GRM1: variants seen among roughly 807,000 people sequenced by gnomAD.
GRM1 encodes metabotropic glutamate receptor 1.
A neutral mutation model predicts 90.9 loss-of-function variants in GRM1; 33 were observed. The ratio of observed to expected loss-of-function variants is 0.36; its 90% CI spans 0.28 to 0.49. The LOEUF (loss-of-function observed/expected upper bound fraction) is 0.49, where lower values mean the gene tolerates loss of function less well. GRM1 is among the 20% of genes least tolerant of loss of function. The pLI is 0.99. For synonymous variants in GRM1, 700 were observed against 613.2 expected (o/e 1.14, Z -2.09); for missense variants, 1,190 against 1,534.3 (o/e 0.78, Z 3.75).
At chr6:146,157,798 G>A (rs540332171) in intron 1 of GRM1, among the ~76,000 whole-genome samples, 92 of 152,210 alleles carry the variant, frequency 6.0e-4, no homozygotes, top group African/African-American at 2.2e-3. Context: ...TAATATAAAT[G>A]CCAGTGAAGA....
intron 2 of GRM1, among the ~76,000 whole-genome samples, chr6:146,204,472 C>A (rs548014965): frequency 6.6e-6 from 1 of 152,092 alleles, no homozygotes; most frequent in South Asian, 2.1e-4. Context: ...TTGCAGGGCA[C>A]GGTCTATTGT....
intron 2 of GRM1, among the ~76,000 whole-genome samples, chr6:146,201,884 C>T (rs1036439605): frequency 6.6e-6 from 1 of 152,214 alleles, no homozygotes; most frequent in Non-Finnish European, 1.5e-5. Context: ...TGTCTGGCTC[C>T]AGAGTCAGTG....
At chr6:146,161,851 A>G (rs1777740451) in intron 2 of GRM1, among the ~76,000 whole-genome samples, 1 of 152,192 alleles carries the variant, frequency 6.6e-6, no homozygotes, top group African/African-American at 2.4e-5. Flanking sequence ...CCCTTCCATG[A>G]CATTCAGATA....
intron 1 of GRM1, among the ~76,000 whole-genome samples, chr6:146,045,347 C>G (rs920445517): frequency 3.9e-5 from 6 of 151,934 alleles, no homozygotes; most frequent in African/African-American, 1.4e-4. Flanking sequence ...CCTTCTCCCG[C>G]TAGAATACTT....
chr6:146,376,267 T>C (rs1562650286), intron 5 of GRM1, among the ~76,000 whole-genome samples: 1 of 152,180 alleles, frequency 6.6e-6, no homozygotes, highest in African/African-American at 2.4e-5. Context: ...TTTATTACTT[T>C]TGATTGGTTC....
chr6:146,333,811 T>G (rs1784668799), intron 3 of GRM1, among the ~76,000 whole-genome samples: 1 of 151,984 alleles, frequency 6.6e-6, no homozygotes, highest in African/African-American at 2.4e-5. Flanking sequence ...TAGAAAGGTT[T>G]ATGAGCTGTC....
chr6:146,070,527 A>G (rs1246054899), intron 1 of GRM1, among the ~76,000 whole-genome samples: 10 of 152,144 alleles, frequency 6.6e-5, no homozygotes, highest in Admixed American at 1.3e-4. Context: ...GGCATCTCCC[A>G]CGTAGTTTTG....
At chr6:146,092,571 A>G (rs1002767725) in intron 1 of GRM1, among the ~76,000 whole-genome samples, 1 of 152,100 alleles carries the variant, frequency 6.6e-6, no homozygotes, top group African/African-American at 2.4e-5. Context: ...TCACATAGGC[A>G]TGGAGTATGG....
At chr6:146,289,287 T>C (rs145062205) in intron 2 of GRM1, among the ~76,000 whole-genome samples, 46 of 152,134 alleles carry the variant, frequency 3.0e-4, no homozygotes, top group Non-Finnish European at 5.6e-4. Flanking sequence ...CTTGGTGCTG[T>C]GTAAACCTAG....
rs567347372 is a variant in GRM1, at chr6:146,123,264, T to C, written c.701-36084T>C. ...TTGTATTTCTAATTGAAGGCTGAGA[T>C]TGGTAAGCAGTGATGGTTAGAGATG... On this transcript the variant is annotated intron_variant, in intron 1 of 7. Coordinates refer to ENST00000282753, the MANE Select transcript of GRM1 (RefSeq NM_001278064.2). 2.0e-5 allele frequency among the ~76,000 whole-genome samples: 3 copies of C among 152,338 alleles called. No homozygotes were observed. The Middle Eastern group carries it at 0.01, about 518-fold the overall frequency.
At chr6:146,197,333 C>T (rs140901184) in intron 2 of GRM1, among the ~76,000 whole-genome samples, 68 of 152,334 alleles carry the variant, frequency 4.5e-4, no homozygotes, top group African/African-American at 1.2e-3. Context: ...GTTTCTTTTA[C>T]TGCATATACT....
At chr6:146,362,507 A>G (rs1478835074) in intron 5 of GRM1, among the ~76,000 whole-genome samples, 2 of 151,828 alleles carry the variant, frequency 1.3e-5, no homozygotes, top group Admixed American at 6.6e-5. Context: ...GTGAAACCCC[A>G]TCTCTACTAA....
At chr6:146,207,812 T>A (rs536428409) in intron 2 of GRM1, among the ~76,000 whole-genome samples, 2 of 152,340 alleles carry the variant, frequency 1.3e-5, no homozygotes, top group South Asian at 2.1e-4. Flanking sequence ...TATTACATTT[T>A]AAGTTGTTGG....
intron 1 of GRM1, among the ~76,000 whole-genome samples, chr6:146,045,749 C>CAAAA (rs58055832): frequency 1.0e-4 from 9 of 87,398 alleles, no homozygotes; most frequent in African/African-American, 1.6e-4. Flanking sequence ...TGGAATACAG[C>CAAAA]AAAAAAAAAA....
chr6:146,131,537 A>G (rs1776397462), intron 1 of GRM1, among the ~76,000 whole-genome samples: 2 of 151,716 alleles, frequency 1.3e-5, no homozygotes, highest in South Asian at 4.1e-4. Flanking sequence ...TGCAGAAAAT[A>G]CACACATACA....
intron 3 of GRM1, among the ~76,000 whole-genome samples, chr6:146,309,335 G>A (rs1783697652): frequency 1.3e-5 from 2 of 151,584 alleles, no homozygotes; most frequent in East Asian, 1.9e-4. Context: ...GGAGGCAGAG[G>A]TTGCAGTGAG....
intron 2 of GRM1, among the ~76,000 whole-genome samples, chr6:146,297,001 G>C (rs1342923773): frequency 6.6e-6 from 1 of 152,150 alleles, no homozygotes; most frequent in Non-Finnish European, 1.5e-5. Flanking sequence ...TTGTTGATAA[G>C]CATTCCCTGA....
At chr6:146,374,484 A>C (rs1776020438) in intron 5 of GRM1, among the ~76,000 whole-genome samples, 1 of 152,166 alleles carries the variant, frequency 6.6e-6, no homozygotes, top group Non-Finnish European at 1.5e-5. Flanking sequence ...TCAGCAGAGA[A>C]GCAAACAGGT....
chr6:146,085,990 G>A (rs1776531010), intron 1 of GRM1, among the ~76,000 whole-genome samples: 1 of 152,086 alleles, frequency 6.6e-6, no homozygotes, highest in Non-Finnish European at 1.5e-5. Context: ...CTATGTGACG[G>A]GGATATAGAA....
Sources: gnomAD v4.1 joint callset for allele counts (sites outside exome capture counted in the v4.1 genomes callset) on GRCh38, gnomAD v4.1.1 for gene constraint, MANE v1.5 for transcripts, NCBI Gene and HGNC (gene_info 2026-07-23, HGNC 2026-07-21) for gene names.